The following ZNF888 variants were observed in gnomAD, a reference collection of about 807,000 sequenced individuals.
ZNF888 encodes the protein zinc finger protein 888, also known as CTD-2331H12.6.
ZNF888 carries 5 observed loss-of-function variants against 7.2 expected under a neutral mutation model. The observed-to-expected ratio is 0.70, with a 90% CI of 0.36 to 1.46. The LOEUF (loss-of-function observed/expected upper bound fraction) is 1.46, where lower values mean the gene tolerates loss of function less well. Ranked by LOEUF, ZNF888 falls within the 40% of genes most tolerant of loss-of-function variation. The probability of loss-of-function intolerance (pLI) is 0.03; values close to 1 mark genes in which losing one functional copy is unlikely to be tolerated. For synonymous variants in ZNF888, 240 were observed against 284.3 expected, an observed-to-expected ratio of 0.84 and a Z score of 1.57; for missense variants, 716 against 858.0, an observed-to-expected ratio of 0.83 and a Z score of 2.07.
At position 52,905,614 on chromosome 19, in the gene ZNF888, C is replaced by G; in HGVS notation, c.*551G>C. The G allele has an allele frequency of 5.2e-6, 2 of 381,030 alleles. No individual in the cohort carries two copies. Among genetic ancestry groups the G allele is most frequent in the Non-Finnish European group, 5.3e-6 (1 of 188,528 alleles). The allele number at this position is 381,030 out of a possible 1,614,324, so 23.6% of individuals were successfully genotyped here. On this transcript the variant is annotated 3_prime_UTR_variant, in exon 5 of 5. Coordinates refer to ENST00000638862, the MANE Select transcript of ZNF888 (RefSeq NM_001393938.1). ...ACAGGTGTGAGCCACCGCACTCAGC[C>G]TAATCCTCTTAACATAAACACTTTA...
intron 3 of ZNF888, among the ~76,000 whole-genome samples, chr19:52,916,560 A>ATATTATATACATACATACACATATATATG (rs1470955276): frequency 2.0e-5 from 3 of 149,686 alleles, no homozygotes; most frequent in Non-Finnish European, 4.4e-5. Flanking sequence ...GTGTGTATAT[A>ATATTATATACATACATACACATATATATG]TATTATATAC....
rs2064589456 is a variant in ZNF888, at chr19:52,904,900, C to T, written c.*1265G>A. 6.6e-6 allele frequency: 1 copy of T among 152,072 alleles called. No homozygotes were observed. Among genetic ancestry groups the T allele is most frequent in the Admixed American group, 6.6e-5 (1 of 15,258 alleles). 9.4% of individuals were successfully genotyped at this position (152,072 alleles called of 1,614,324 possible). Reference sequence around the variant, plus strand: ...GATTTGCACAATACAATATCGGCACCAAAAATTACTTGAATTTCCACACAT... The same window carrying T: ...GATTTGCACAATACAATATCGGCACTAAAAATTACTTGAATTTCCACACAT... On this transcript the variant is annotated 3_prime_UTR_variant, in exon 5 of 5. Transcript: ENST00000638862.
chr19:52,917,436 C>T (rs1246287771), intron 3 of ZNF888: 5 of 464,592 alleles, frequency 1.1e-5, no homozygotes, highest in South Asian at 2.8e-5. Context: ...AGGCAGAAAA[C>T]ATTTCCTCTT....
In ZNF888 at chr19:52,914,624, A is replaced by G. The variant is rs2064723177; in HGVS notation, c.142+572T>C. On this transcript the variant is annotated intron_variant, in intron 4 of 4. Transcript: ENST00000638862. Reference sequence around the variant, plus strand: ...AGAACTACAGAATCGAAAGCACAGGAGAAGCAAACAGGGAACTGGATATCT... The same window carrying G: ...AGAACTACAGAATCGAAAGCACAGGGGAAGCAAACAGGGAACTGGATATCT... Among the ~76,000 whole-genome samples, 9 of 152,318 alleles carry G rather than the reference A, an allele frequency of 5.9e-5. No individual in the cohort carries two copies. The South Asian group carries it at 1.9e-3, about 32-fold the overall frequency.
In ZNF888 at chr19:52,907,684, G is replaced by T. The variant is rs1464587962; in HGVS notation, c.638C>A (p.Ser213Tyr). Reference protein sequence around the residue: ...QKQDVHRKEKSFQFNESGKSF... With the variant: ...QKQDVHRKEKYFQFNESGKSF... ...TTTGCCACTCTCATTAAATTGGAAA[G>T]ATTTTTCTTTCCTGTGTACATCCTG... Residue 213 changes from serine (S) to tyrosine (Y), a missense_variant, in exon 5 of 5, where the codon TCT becomes TAT. Ser to Tyr is a moderately radical substitution (Grantham distance 144). Around this residue, in one of 2 missense-constraint regions of ZNF888, gnomAD observed 697 missense variants for 803.4 expected, o/e 0.87. Coordinates refer to ENST00000638862, the MANE Select transcript of ZNF888 (RefSeq NM_001393938.1). 5.0e-6 allele frequency: 8 copies of T among 1,606,852 alleles called. No individual in the cohort carries two copies. The highest frequency in any genetic ancestry group is 2.7e-5 in the African/African-American group (2 of 74,526).
At chr19:52,913,633 A>C in intron 4 of ZNF888, 1 of 851,440 alleles carries the variant, frequency 1.2e-6, no homozygotes, top group Non-Finnish European at 1.4e-6. Context: ...CAGGTTACAG[A>C]AATTTTAAGT....
chr19:52,915,301 C>T lies in ZNF888; in HGVS notation c.37G>A (p.Val13Met), dbSNP rs185742161. The stretch of plus-strand genomic sequence containing the variant: ...TCCTCCTGAGAGAATTCTATGGCCA[C>T]ATCCCTGAATGTCAATAGACCCTGA... ...LPQGLLTFRDVAIEFSQEEWK... is the reference protein window; with the variant it reads ...LPQGLLTFRDMAIEFSQEEWK... The change falls in exon 4 of 5, where the codon GTG (valine) becomes ATG (methionine). Residue 13 changes from valine to methionine, a missense_variant. Coordinates refer to ENST00000638862, the MANE Select transcript of ZNF888 (RefSeq NM_001393938.1). 1,069 of 1,613,864 alleles carry T rather than the reference C, an allele frequency of 6.6e-4. No homozygotes were observed. Among genetic ancestry groups the T allele is most frequent in the Middle Eastern group, 1.5e-3 (9 of 6,062 alleles).
chr19:52,915,696 C>T (rs1389184699), intron 3 of ZNF888, among the ~76,000 whole-genome samples: 3 of 151,970 alleles, frequency 2.0e-5, no homozygotes, highest in Admixed American at 1.3e-4. Context: ...AGGATGGTCT[C>T]GATCTCCTGA....
Position 52,905,576 on chromosome 19 carries a change from C to CA in ZNF888, c.*588dup, listed in dbSNP as rs1287253447. 2 of 268,896 alleles carry CA rather than the reference C, an allele frequency of 7.4e-6. No individual in the cohort carries two copies. Among genetic ancestry groups the CA allele is most frequent in the African/African-American group, 4.5e-5 (2 of 44,018 alleles). 16.7% of individuals were successfully genotyped at this position (268,896 alleles called of 1,614,324 possible). A position where few individuals can be genotyped will look rare whatever the true frequency, so the allele number is the denominator to read the frequency against. ...GAGATCCACCCACCTTGGCCTCCCA[C>CA]AGTGCTAGCATTACAGGTGTGAGCC... On this transcript the variant is annotated 3_prime_UTR_variant, in exon 5 of 5. Coordinates refer to ENST00000638862, the MANE Select transcript of ZNF888 (RefSeq NM_001393938.1).
chr19:52,907,791 T>C lies in ZNF888; in HGVS notation c.531A>G (p.Gln177=). The change falls in exon 5 of 5, where the codon CAA becomes CAG. Residue 177 remains glutamine, a synonymous_variant. Coordinates refer to ENST00000638862, the MANE Select transcript of ZNF888 (RefSeq NM_001393938.1). ...GGGTTTTGGGCCTACAAGAAATTCT[T>C]TGGGATGTTGAAACTGAGGAAGCAT... ...INNASSVSTS[Q]RISCRPKTHI... The C allele has an allele frequency of 1.2e-6, 2 of 1,614,166 alleles. No individual in the cohort carries two copies. Among genetic ancestry groups the C allele is most frequent in the Non-Finnish European group, 1.7e-6 (2 of 1,180,022 alleles).
intron 1 of ZNF888, chr19:52,921,550 A>G: frequency 1.7e-6 from 1 of 591,010 alleles, no homozygotes; most frequent in Non-Finnish European, 2.1e-6. Flanking sequence ...TCTTTCACAT[A>G]CCTGGGCTAA....
Position 52,905,948 on chromosome 19 carries a change from G to A in ZNF888, c.*217C>T. The A allele has an allele frequency of 1.2e-6, 1 of 843,090 alleles. No homozygotes were observed. The highest frequency in any genetic ancestry group is 2.0e-6 in the Non-Finnish European group (1 of 490,432). The allele number at this position is 843,090 out of a possible 1,614,324, so 52.2% of individuals were successfully genotyped here. A position where few individuals can be genotyped will look rare whatever the true frequency, so the allele number is the denominator to read the frequency against. On this transcript the variant is annotated 3_prime_UTR_variant, in exon 5 of 5. Coordinates refer to ENST00000638862, the MANE Select transcript of ZNF888 (RefSeq NM_001393938.1). ...GTTTCTCTCCTGTATGAATTCTCCTGTTTTGCATAGGATGAAGCTTGACTG... is the reference window on the plus strand; with the variant it reads ...GTTTCTCTCCTGTATGAATTCTCCTATTTTGCATAGGATGAAGCTTGACTG...
chr19:52,910,197 C>T lies in ZNF888; in HGVS notation c.143-2018G>A, dbSNP rs111386074. ...AAAAAAGAACTGAATAACACCAGGG[C>T]GCGGTGGTGCATGCCTGTAATCCCA... is the stretch of plus-strand genomic sequence containing the variant. On this transcript the variant is annotated intron_variant, in intron 4 of 4. Coordinates refer to ENST00000638862, the MANE Select transcript of ZNF888 (RefSeq NM_001393938.1). 7.5e-3 allele frequency among the ~76,000 whole-genome samples: 1,080 copies of T among 144,816 alleles called. 23 individuals carry two copies. The highest frequency in any genetic ancestry group is 0.025 in the African/African-American group (978 of 39,608).
chr19:52,921,108 A>G (rs1478532920), intron 1 of ZNF888, among the ~76,000 whole-genome samples: 1 of 152,172 alleles, frequency 6.6e-6, no homozygotes, highest in Non-Finnish European at 1.5e-5. Flanking sequence ...GGAGAAAGGG[A>G]CAGGGCTGTC....
In ZNF888 at chr19:52,907,757, T is replaced by C; in HGVS notation, c.565A>G (p.Asn189Asp). ...TGGAAGAAATTATTCCCATAGTTAT[T>C]AGAAATATGGGTTTTGGGCCTACAA... ...ISCRPKTHIS[N>D]NYGNNFFHSS... Residue 189 changes from asparagine to aspartate, a missense_variant, in exon 5 of 5, where the codon AAT becomes GAT. Coordinates refer to ENST00000638862, the MANE Select transcript of ZNF888 (RefSeq NM_001393938.1). The C allele has an allele frequency of 6.2e-7, 1 of 1,614,044 alleles. No individual in the cohort carries two copies. The highest frequency in any genetic ancestry group is 1.7e-5 in the Admixed American group (1 of 60,012).
At chr19:52,909,237 A>T (rs8106740) in intron 4 of ZNF888, among the ~76,000 whole-genome samples, 21,671 of 151,456 alleles carry the variant, frequency 0.14, 2,799 homozygotes, top group African/African-American at 0.35. Context: ...GTAACTTTTT[A>T]AAAAAAATTT....
At chr19:52,914,089 C>T (rs1047817379) in intron 4 of ZNF888, among the ~76,000 whole-genome samples, 1 of 152,176 alleles carries the variant, frequency 6.6e-6, no homozygotes, top group Non-Finnish European at 1.5e-5. Context: ...TGCACCACTG[C>T]ACTGTAGCCT....
chr19:52,914,961 T>G (rs1400507683), intron 4 of ZNF888, among the ~76,000 whole-genome samples: 2 of 152,192 alleles, frequency 1.3e-5, no homozygotes, highest in Non-Finnish European at 2.9e-5. Flanking sequence ...ATGCCCAGCC[T>G]GCCATAAAGT....
chr19:52,918,974 C>G (rs1360211974), intron 1 of ZNF888, 37 bp from the exon 2 acceptor site: 1 of 14 alleles, frequency 0.071, no homozygotes, highest in Non-Finnish European at 0.1. Context: ...CTCTCCCTCC[C>G]CCTCCCTCTC....
Sources: allele counts gnomAD v4.1 joint callset (sites outside exome capture counted in the v4.1 genomes callset), GRCh38; gene constraint gnomAD v4.1.1; regional missense constraint gnomAD v4.1.1; transcripts MANE v1.5; gene names NCBI Gene and HGNC (gene_info 2026-07-23, HGNC 2026-07-21).